The following LDAH variants were observed in gnomAD, a reference collection of about 807,000 sequenced individuals.
LDAH encodes the protein lipid droplet associated hydrolase, also known as lipid droplet-associated hydrolase.
LDAH carries 26 observed loss-of-function variants against 29.6 expected under a neutral mutation model. The ratio of observed to expected loss-of-function variants is 0.88; its 90% CI spans 0.64 to 1.22. The LOEUF is 1.22. Ranked by LOEUF, LDAH falls within the 50% of genes most tolerant of loss-of-function variation. The pLI, the probability that LDAH is intolerant of heterozygous loss-of-function variation, is 0.00. For synonymous variants in LDAH, 117 were observed against 133.0 expected (o/e 0.88, Z 0.83); for missense variants, 344 against 387.3 (o/e 0.89, Z 0.94).
At chr2:20,741,280 T>C (rs574014335) in intron 4 of LDAH, among the ~76,000 whole-genome samples, 2 of 152,338 alleles carry the variant, frequency 1.3e-5, no homozygotes, top group Admixed American at 1.3e-4. Flanking sequence ...GAAGTTCAGC[T>C]TATCTGTTAT....
At chr2:20,778,613 T>C (rs1334161204) in intron 3 of LDAH, among the ~76,000 whole-genome samples, 1 of 152,158 alleles carries the variant, frequency 6.6e-6, no homozygotes, top group Non-Finnish European at 1.5e-5. Flanking sequence ...TAAAATATAC[T>C]ACCTTTGCCT....
intron 2 of LDAH, among the ~76,000 whole-genome samples, chr2:20,791,383 T>C (rs1357863661): frequency 1.3e-5 from 2 of 152,198 alleles, no homozygotes; most frequent in African/African-American, 4.8e-5. Flanking sequence ...AGTGAATCAA[T>C]GTACAAAGCA....
At chr2:20,813,504 A>G (rs967342860) in intron 1 of LDAH, among the ~76,000 whole-genome samples, 6 of 152,172 alleles carry the variant, frequency 3.9e-5, no homozygotes, top group Non-Finnish European at 8.8e-5. Flanking sequence ...CAAGCACTCA[A>G]TTAGTTCCCA....
chr2:20,790,462 G>A, intron 2 of LDAH, 64 bp from the exon 3 acceptor site: 2 of 1,393,744 alleles, frequency 1.4e-6, no homozygotes, highest in Non-Finnish European at 2.0e-6. Context: ...ATGACACGCA[G>A]GCTAGAAAAG....
At chr2:20,810,750 G>C (rs904943475) in intron 1 of LDAH, among the ~76,000 whole-genome samples, 1 of 152,192 alleles carries the variant, frequency 6.6e-6, no homozygotes, top group Non-Finnish European at 1.5e-5. Flanking sequence ...AGGCCACATA[G>C]CAGGAGATAA....
chr2:20,700,486 C>G (rs1002955314), intron 6 of LDAH, among the ~76,000 whole-genome samples: 1 of 151,898 alleles, frequency 6.6e-6, no homozygotes, highest in African/African-American at 2.4e-5. Context: ...AAGTTTAAGT[C>G]AAATGTATCA....
chr2:20,791,786 A>T (rs966192898), intron 2 of LDAH, among the ~76,000 whole-genome samples: 2 of 152,196 alleles, frequency 1.3e-5, no homozygotes, highest in African/African-American at 4.8e-5. Flanking sequence ...ATAAAATACT[A>T]AGTAGCAATC....
At chr2:20,800,182 A>G (rs894342407) in intron 2 of LDAH, among the ~76,000 whole-genome samples, 3 of 152,256 alleles carry the variant, frequency 2.0e-5, no homozygotes, top group African/African-American at 7.2e-5. Context: ...ATTGTTTTAT[A>G]ATCTTGGAGT....
chr2:20,766,309 T>C (rs931654105), intron 4 of LDAH, among the ~76,000 whole-genome samples: 1 of 152,232 alleles, frequency 6.6e-6, no homozygotes, highest in Non-Finnish European at 1.5e-5. Flanking sequence ...CACAGCCTCA[T>C]TGATGGCTGA....
At chr2:20,803,429 G>T (rs1671859099) in intron 1 of LDAH, among the ~76,000 whole-genome samples, 1 of 152,166 alleles carries the variant, frequency 6.6e-6, no homozygotes, top group South Asian at 2.1e-4. Context: ...GTTCCACACA[G>T]CAGCTTGGTA....
rs185977444 is a variant in LDAH at position 20,725,715 on chromosome 2, C to T, written c.703+14256G>A. ...TTCCTCAGAGTAAGGGATATTTTGG[C>T]TACTAATCTAAAAGTTCCTAGGGAG... On this transcript the variant is annotated intron_variant, in intron 5 of 6. Coordinates refer to ENST00000237822, the MANE Select transcript of LDAH (RefSeq NM_021925.4). 2.4e-4 allele frequency among the ~76,000 whole-genome samples: 36 copies of T among 152,258 alleles called. No individual in the cohort carries two copies. In the East Asian group the frequency reaches 3.7e-3, roughly 16 times the overall value.
chr2:20,687,471 A>C (rs1662651652), intron 6 of LDAH, among the ~76,000 whole-genome samples: 1 of 152,236 alleles, frequency 6.6e-6, no homozygotes, highest in Non-Finnish European at 1.5e-5. Context: ...CCAGTTAATA[A>C]ACTTAGTTGT....
At chr2:20,736,769 ACTTGT>A (rs1185203011) in intron 5 of LDAH, among the ~76,000 whole-genome samples, 1 of 150,514 alleles carries the variant, frequency 6.6e-6, no homozygotes, top group Non-Finnish European at 1.5e-5. Context: ...TGCACAACAA[ACTTGT>A]CTTGTGTGCA....
chr2:20,733,386 C>T (rs1572503123), intron 5 of LDAH, among the ~76,000 whole-genome samples: 4 of 147,198 alleles, frequency 2.7e-5, no homozygotes, highest in Admixed American at 1.4e-4. Flanking sequence ...GCTATACCTC[C>T]ATGCCTGGCT....
chr2:20,683,549 G>T (rs1203552632), downstream of LDAH, among the ~76,000 whole-genome samples: 3 of 152,212 alleles, frequency 2.0e-5, no homozygotes, highest in African/African-American at 7.2e-5. Context: ...TAAATCGACT[G>T]TTAGAACATC....
chr2:20,690,453 A>C (rs571761256), intron 6 of LDAH, among the ~76,000 whole-genome samples: 2 of 152,288 alleles, frequency 1.3e-5, no homozygotes, highest in Admixed American at 1.3e-4. Context: ...ACGTTTTGTA[A>C]AATTTTGTTT....
At chr2:20,696,575 TG>T (rs1663497056) in intron 6 of LDAH, among the ~76,000 whole-genome samples, 1 of 152,218 alleles carries the variant, frequency 6.6e-6, no homozygotes, top group Non-Finnish European at 1.5e-5. Context: ...TCCGTAAGCC[TG>T]GGCCAAACGT....
intron 4 of LDAH, among the ~76,000 whole-genome samples, chr2:20,748,244 T>G (rs1667713673): frequency 6.6e-6 from 1 of 152,196 alleles, no homozygotes; most frequent in Admixed American, 6.5e-5. Flanking sequence ...GTGAATTATA[T>G]TCAGACCTCT....
intron 1 of LDAH, among the ~76,000 whole-genome samples, chr2:20,822,451 C>T (rs1041701833): frequency 2.0e-5 from 3 of 152,124 alleles, no homozygotes; most frequent in Non-Finnish European, 2.9e-5. Context: ...CCAGGACTAT[C>T]AACTCTTGTG....
Sources: allele counts gnomAD v4.1 joint callset (sites outside exome capture counted in the v4.1 genomes callset), GRCh38; gene constraint gnomAD v4.1.1; transcripts MANE v1.5; gene names NCBI Gene and HGNC (gene_info 2026-07-23, HGNC 2026-07-21).